The following PTK2B variants were observed in gnomAD, a reference collection of about 807,000 sequenced individuals.
PTK2B encodes protein tyrosine kinase 2 beta.
In PTK2B, 71 loss-of-function variants were observed where a neutral mutation model predicts 142.9. The observed-to-expected ratio is 0.50, with a 90% confidence interval of 0.41 to 0.61. PTK2B has a LOEUF of 0.61. Ranked by LOEUF, PTK2B falls within the 20% of genes least tolerant of loss-of-function variation. PTK2B has a pLI of 0.00. For missense variants in PTK2B, 1,105 were observed against 1,320.4 expected (o/e 0.84, Z 2.53); for synonymous variants, 519 against 503.4 (o/e 1.03, Z -0.42).
chr8:27,338,525 C>G (rs1804213188), intron 1 of PTK2B, among the ~76,000 whole-genome samples: 1 of 152,010 alleles, frequency 6.6e-6, no homozygotes, highest in African/African-American at 2.4e-5. Context: ...ACCACCTGTT[C>G]CCCAAAAACC....
At chr8:27,343,473 A>G (rs1190073006) in intron 1 of PTK2B, among the ~76,000 whole-genome samples, 1 of 152,210 alleles carries the variant, frequency 6.6e-6, no homozygotes, top group African/African-American at 2.4e-5. Context: ...GACCCCATGT[A>G]GTCCCCAAAG....
chr8:27,420,170 G>A (rs972586309), intron 3 of PTK2B, 97 bp downstream of exon 3: 75 of 1,419,800 alleles, frequency 5.3e-5, no homozygotes, highest in Non-Finnish European at 1.4e-5. Flanking sequence ...CCCTGCCTCA[G>A]AAACTTCTAG....
intron 1 of PTK2B, among the ~76,000 whole-genome samples, chr8:27,358,294 T>C (rs78977664): frequency 0.013 from 1,951 of 152,280 alleles, 43 homozygotes; most frequent in African/African-American, 0.045. Context: ...AATGAAACCA[T>C]GAAGAAGAAA....
chr8:27,401,612 G>A (rs181478121), intron 2 of PTK2B, among the ~76,000 whole-genome samples: 1 of 152,310 alleles, frequency 6.6e-6, no homozygotes, highest in Non-Finnish European at 1.5e-5. Context: ...GGCACATAGC[G>A]GGTTTGAGAC....
chr8:27,380,447 G>T (rs1806943507), intron 1 of PTK2B, among the ~76,000 whole-genome samples: 3 of 152,304 alleles, frequency 2.0e-5, no homozygotes, highest in South Asian at 4.1e-4. Flanking sequence ...CACATGCAGG[G>T]TTTCCCTACT....
At chr8:27,352,474 G>T (rs368488947) in intron 1 of PTK2B, among the ~76,000 whole-genome samples, 3 of 152,152 alleles carry the variant, frequency 2.0e-5, no homozygotes, top group African/African-American at 2.4e-5. Flanking sequence ...AGGGGTGGAG[G>T]GGGGGCGGTC....
intron 30 of PTK2B, among the ~76,000 whole-genome samples, chr8:27,456,491 G>A (rs1184900436): frequency 6.6e-6 from 1 of 152,160 alleles, no homozygotes; most frequent in Non-Finnish European, 1.5e-5. Context: ...TGTTCTGACT[G>A]CTCCTCCGAC....
At chr8:27,364,086 G>A (rs186718239) in intron 1 of PTK2B, among the ~76,000 whole-genome samples, 75 of 152,338 alleles carry the variant, frequency 4.9e-4, no homozygotes, top group Non-Finnish European at 7.3e-4. Context: ...AGCTGCATCA[G>A]CGTCCCGTTT....
intron 9 of PTK2B, 131 bp downstream of exon 9, chr8:27,431,603 T>C (rs1563281472): frequency 8.4e-7 from 1 of 1,185,972 alleles, no homozygotes; most frequent in Non-Finnish European, 1.2e-6. Context: ...TCTAAGGCCA[T>C]GCCCTGGCGT....
chr8:27,323,081 CCA>C (rs1471371243), upstream of PTK2B, among the ~76,000 whole-genome samples: 1 of 152,174 alleles, frequency 6.6e-6, no homozygotes, highest in African/African-American at 2.4e-5. Flanking sequence ...TTTGTGATCT[CCA>C]GTTAGTGAAA....
chr8:27,334,719 G>A (rs6996346), intron 1 of PTK2B, among the ~76,000 whole-genome samples: 114,575 of 152,076 alleles, frequency 0.75, 44,061 homozygotes, highest in Middle Eastern at 0.86. Flanking sequence ...CACGGAGTGA[G>A]CCAGACAGCG....
At chr8:27,436,480 TC>T in intron 15 of PTK2B, 132 bp downstream of exon 15, 1 of 715,908 alleles carries the variant, frequency 1.4e-6, no homozygotes, top group Non-Finnish European at 2.5e-6. Context: ...GGGCCTCTTG[TC>T]CACTGGGCAT....
At chr8:27,372,989 A>G (rs1335881268) in intron 1 of PTK2B, among the ~76,000 whole-genome samples, 1 of 152,184 alleles carries the variant, frequency 6.6e-6, no homozygotes, top group African/African-American at 2.4e-5. Flanking sequence ...GTGGCCACAT[A>G]GAGGTCAAGC....
intron 1 of PTK2B, among the ~76,000 whole-genome samples, chr8:27,335,595 CAAAAAAAA>C (rs900959610): frequency 4.0e-5 from 3 of 74,346 alleles, no homozygotes; most frequent in Non-Finnish European, 6.0e-5. Context: ...AACACTGTCT[CAAAAAAAA>C]AAAAAAAAAA....
intron 2 of PTK2B, among the ~76,000 whole-genome samples, chr8:27,398,702 G>A (rs1480412921): frequency 6.6e-6 from 1 of 152,212 alleles, no homozygotes; most frequent in African/African-American, 2.4e-5. Flanking sequence ...AAGCTAATCA[G>A]GTCTGAGGAC....
chr8:27,432,150 C>T, intron 9 of PTK2B, 110 bp from the exon 10 acceptor site: 1 of 886,416 alleles, frequency 1.1e-6, no homozygotes, highest in South Asian at 1.6e-5. Context: ...CTCTTCATCT[C>T]CCAGAGAAAC....
intron 11 of PTK2B, 44 bp from the exon 12 acceptor site, chr8:27,434,049 C>G: frequency 6.2e-7 from 1 of 1,606,360 alleles, no homozygotes. Flanking sequence ...ATCCAGGTCC[C>G]TGTGTCCCCA....
In PTK2B at chr8:27,348,429, G is replaced by A. The variant is rs1804841838; in HGVS notation, c.-38+22748G>A. The stretch of plus-strand genomic sequence containing the variant: ...CCTGTTCTTCCCACTCTGCTTTCCA[G>A]CTCTTCCCGGCGTGCACACACACCT... On this transcript the variant is annotated intron_variant, in intron 1 of 30. Coordinates refer to ENST00000346049, the MANE Select transcript of PTK2B (RefSeq NM_173176.3). Among the ~76,000 whole-genome samples, 3 of 152,026 alleles carry A rather than the reference G, an allele frequency of 2.0e-5. No individual in the cohort carries two copies. The South Asian group carries it at 6.2e-4, about 32-fold the overall frequency.
intron 2 of PTK2B, among the ~76,000 whole-genome samples, chr8:27,404,020 G>A (rs895345261): frequency 7.4e-6 from 1 of 135,774 alleles, no homozygotes; most frequent in Non-Finnish European, 1.6e-5. Context: ...CAAGCCATAT[G>A]TCCTGATTTG....
Sources: gnomAD v4.1 joint callset for allele counts (sites outside exome capture counted in the v4.1 genomes callset) on GRCh38, gnomAD v4.1.1 for gene constraint, MANE v1.5 for transcripts, NCBI Gene and HGNC (gene_info 2026-07-23, HGNC 2026-07-21) for gene names.